The following HSPG2 variants were observed in gnomAD, a reference collection of about 807,000 sequenced individuals.
The protein encoded by HSPG2 is heparan sulfate proteoglycan 2, also known as basement membrane-specific heparan sulfate proteoglycan core protein.
Under a neutral mutation model 526.6 loss-of-function variants are expected in HSPG2, and 278 were observed. That is an observed-to-expected ratio of 0.53 (90% CI 0.48 to 0.58). The LOEUF (loss-of-function observed/expected upper bound fraction) is 0.58, where lower values mean the gene tolerates loss of function less well. HSPG2 is among the 20% of genes least tolerant of loss of function. HSPG2 has a pLI of 0.00. For synonymous variants in HSPG2, 2,465 were observed against 2,555.4 expected (o/e 0.96, Z 1.07); for missense variants, 5,354 against 6,099.5 (o/e 0.88, Z 4.07).
Position 21,880,153 on chromosome 1 carries a change from C to T in HSPG2, c.2297G>A (p.Cys766Tyr). Reference protein sequence around the residue: ...PYLGTCSGCNCNGHASSCDPV... With the variant: ...PYLGTCSGCNYNGHASSCDPV... ...GTCACAGGAGCTGGCATGGCCATTG[C>T]AATTGCAACCAGAGCAGGTGCCCAG... The change falls in exon 17 of 97, where the codon TGC becomes TAC. Residue 766 changes from cysteine to tyrosine, a missense_variant. Coordinates refer to ENST00000374695, the MANE Select transcript of HSPG2 (RefSeq NM_005529.7). 6.2e-7 allele frequency: 1 copy of T among 1,614,110 alleles called. No individual in the cohort carries two copies.
intron 91 of HSPG2, 124 bp downstream of exon 91, chr1:21,827,739 G>C: frequency 9.6e-7 from 1 of 1,045,730 alleles, no homozygotes; most frequent in Admixed American, 2.0e-5. Flanking sequence ...TCTTCATTCT[G>C]TCTCTCTGCC....
At chr1:21,882,626 C>G (rs1443565384) in intron 13 of HSPG2, among the ~76,000 whole-genome samples, 1 of 152,170 alleles carries the variant, frequency 6.6e-6, no homozygotes, top group African/African-American at 2.4e-5. Flanking sequence ...GTACCAGCAA[C>G]ATGTGGCCAC....
At chr1:21,935,121 G>C (rs538477791) in intron 1 of HSPG2, among the ~76,000 whole-genome samples, 2 of 151,340 alleles carry the variant, frequency 1.3e-5, no homozygotes, top group Admixed American at 1.3e-4. Flanking sequence ...TGGCCAGGCT[G>C]GTCTCAAACT....
intron 13 of HSPG2, among the ~76,000 whole-genome samples, chr1:21,884,231 C>G (rs1420865019): frequency 6.6e-6 from 1 of 152,198 alleles, no homozygotes; most frequent in Non-Finnish European, 1.5e-5. Context: ...TAGTGGGTAA[C>G]TTGACCCAGG....
intron 91 of HSPG2, among the ~76,000 whole-genome samples, chr1:21,825,697 G>C (rs2097970860): frequency 1.3e-5 from 2 of 152,194 alleles, no homozygotes; most frequent in South Asian, 4.1e-4. Flanking sequence ...GCTGTGCGGG[G>C]AGCGTCCCAT....
chr1:21,885,372 G>C lies in HSPG2; in HGVS notation c.1158C>G (p.Phe386Leu). 6.2e-7 allele frequency: 1 copy of C among 1,614,152 alleles called. No individual in the cohort carries two copies. The highest frequency in any genetic ancestry group is 8.5e-7 in the Non-Finnish European group (1 of 1,180,014). ...VSTNMCIPAS[F>L]HCDEESDCPD... Reference sequence around the variant, plus strand: ...GACAGTCGCTCTCCTCGTCACAGTGGAAGCTGGCTGGGATGCACATGTTGG... The same window carrying C: ...GACAGTCGCTCTCCTCGTCACAGTGCAAGCTGGCTGGGATGCACATGTTGG... Residue 386 changes from phenylalanine to leucine, a missense_variant, in exon 10 of 97, where the codon TTC becomes TTG. Transcript: ENST00000374695.
intron 1 of HSPG2, among the ~76,000 whole-genome samples, chr1:21,896,843 G>C (rs990687739): frequency 6.6e-6 from 1 of 152,186 alleles, no homozygotes. Flanking sequence ...TGGCCTGCCC[G>C]TCTCCAGGCT....
Position 21,830,122 on chromosome 1 carries a change from C to A in HSPG2, c.11672-31G>T, listed in dbSNP as rs1375563584. Reference sequence around the variant, plus strand: ...GGGCACATAGGCCAGTGAAAAGACACGGAGGTGACTCTGGAGGGAGGGGGG... The same window carrying A: ...GGGCACATAGGCCAGTGAAAAGACAAGGAGGTGACTCTGGAGGGAGGGGGG... On this transcript the variant is annotated intron_variant, in intron 85 of 96. Coordinates refer to ENST00000374695, the MANE Select transcript of HSPG2 (RefSeq NM_005529.7). The A allele has an allele frequency of 3.3e-6, 5 of 1,533,784 alleles. No individual in the cohort carries two copies. In the East Asian group the frequency reaches 9.3e-5, roughly 29 times the overall value.
chr1:21,850,052 C>T lies in HSPG2; in HGVS notation c.7435G>A (p.Ala2479Thr). Residue 2479 changes from alanine (A) to threonine (T), a missense_variant, in exon 57 of 97, where the codon GCC (alanine) becomes ACC (threonine). Transcript: ENST00000374695. ...CTCCTGCCTCCTACCTGGTGCCGGGCCGGGAGGCTGCCCCCGCGCTTGTGC... is the reference window on the plus strand; with the variant it reads ...CTCCTGCCTCCTACCTGGTGCCGGGTCGGGAGGCTGCCCCCGCGCTTGTGC... ...TWHKRGGSLP[A>T]RHQVHGSRLR... The T allele has an allele frequency of 6.2e-7, 1 of 1,613,208 alleles. No individual in the cohort carries two copies. The highest frequency in any genetic ancestry group is 8.5e-7 in the Non-Finnish European group (1 of 1,179,990).
At chr1:21,886,068 A>G (rs544813155) in intron 9 of HSPG2, among the ~76,000 whole-genome samples, 1 of 152,358 alleles carries the variant, frequency 6.6e-6, no homozygotes, top group East Asian at 1.9e-4. Context: ...CAGGAGCGGA[A>G]GCCGCGCATC....
At chr1:21,841,707 T>C (rs1168462980) in intron 69 of HSPG2, 34 bp from the exon 70 acceptor site, 23 of 1,608,694 alleles carry the variant, frequency 1.4e-5, no homozygotes, top group South Asian at 3.3e-5. Flanking sequence ...TGAGAGAGGA[T>C]TGACCTGGTC....
chr1:21,855,163 AG>A (rs1311899634), intron 47 of HSPG2, 140 bp downstream of exon 47: 5 of 1,356,162 alleles, frequency 3.7e-6, no homozygotes, highest in African/African-American at 2.9e-5. Flanking sequence ...GCTGGGATGC[AG>A]GGGCAGGAGA....
At chr1:21,835,178 C>T in intron 76 of HSPG2, 1 of 634,618 alleles carries the variant, frequency 1.6e-6, no homozygotes, top group Non-Finnish European at 2.8e-6. Flanking sequence ...TGGTTGTATT[C>T]ACAGGTGTGA....
rs541808821 is a variant in HSPG2 at position 21,847,818 on chromosome 1, G to A, written c.7896C>T (p.Ile2632=). The change falls in exon 61 of 97, where the codon ATC becomes ATT. Residue 2632 remains isoleucine, a synonymous_variant. Transcript: ENST00000374695. The surrounding 1 kb of genome is among the most constrained non-coding windows in gnomAD (Gnocchi z 4.1). The part of the protein sequence containing the change: ...SSHVPSVSPP[I]RIESSSPTVV... ...CCGTGGGGGAAGACGACTCGATCCT[G>A]ATCGGTGGGGAGACGCTGGGCACTG... 1 of 1,613,832 alleles carries A rather than the reference G, an allele frequency of 6.2e-7. No individual in the cohort carries two copies. The highest frequency in any genetic ancestry group is 8.5e-7 in the Non-Finnish European group (1 of 1,180,030).
At chr1:21,842,492 G>A (rs2098053092) in intron 67 of HSPG2, 112 bp from the exon 68 acceptor site, 1 of 1,226,204 alleles carries the variant, frequency 8.2e-7, no homozygotes, top group Non-Finnish European at 1.1e-6. Context: ...CAGGGTCTCA[G>A]CTGGTAGGGC....
intron 1 of HSPG2, among the ~76,000 whole-genome samples, chr1:21,905,167 CCACCCA>C (rs751956910): frequency 0.043 from 5,223 of 120,718 alleles, 247 homozygotes; most frequent in African/African-American, 0.16. Flanking sequence ...CACCCACCAC[CCACCCA>C]CACACACACA....
intron 33 of HSPG2, chr1:21,870,359 C>G: frequency 1.1e-6 from 1 of 932,814 alleles, no homozygotes; most frequent in Non-Finnish European, 1.3e-6. Context: ...TCCCAAAGTC[C>G]TGGAGCTAGA....
chr1:21,879,179 C>T (rs532597903), intron 17 of HSPG2, 58 bp from the exon 18 acceptor site: 6 of 1,606,998 alleles, frequency 3.7e-6, no homozygotes, highest in Middle Eastern at 1.7e-4. Context: ...CCAGATGCTG[C>T]GGGGGACCTT....
In HSPG2 at chr1:21,865,373, G is replaced by T. The variant is rs1640145106; in HGVS notation, c.4315-8C>A. 1 of 1,613,982 alleles carries T rather than the reference G, an allele frequency of 6.2e-7. No individual in the cohort carries two copies. The highest frequency in any genetic ancestry group is 8.5e-7 in the Non-Finnish European group (1 of 1,179,912). ...TAGCATGATGTTGTTGCCCTGGAAA[G>T]ACACCAGCAGGATTGGAAGGGGAGC... is the stretch of plus-strand genomic sequence containing the variant. On this transcript the variant is annotated splice_region_variant and splice_polypyrimidine_tract_variant and intron_variant, in intron 34 of 96. Coordinates refer to ENST00000374695, the MANE Select transcript of HSPG2 (RefSeq NM_005529.7). This position sits in a 1 kb window ranked among gnomAD's most constrained non-coding sequence, Gnocchi z 5.4.
Sources: allele counts gnomAD v4.1 joint callset (sites outside exome capture counted in the v4.1 genomes callset), GRCh38; gene constraint gnomAD v4.1.1; non-coding constraint Gnocchi (gnomAD v3.1); transcripts MANE v1.5; gene names NCBI Gene and HGNC (gene_info 2026-07-23, HGNC 2026-07-21).